Variants in UVRAG observed in about 807,000 individuals in gnomAD.
UVRAG encodes the protein UV radiation resistance-associated gene protein.
Under a neutral mutation model 78.0 loss-of-function variants are expected in UVRAG, and 19 were observed. The ratio of observed to expected loss-of-function variants is 0.24; its 90% CI spans 0.17 to 0.36. The LOEUF is 0.36. Ranked by LOEUF, UVRAG falls within the 10% of genes least tolerant of loss-of-function variation. UVRAG has a pLI of 1.00. For synonymous variants in UVRAG, 323 were observed against 324.6 expected, an observed-to-expected ratio of 1.00 and a Z score of 0.05; for missense variants, 740 against 853.8, an observed-to-expected ratio of 0.87 and a Z score of 1.66.
At chr11:75,906,770 A>G (rs1168090484) in intron 5 of UVRAG, among the ~76,000 whole-genome samples, 2 of 152,216 alleles carry the variant, frequency 1.3e-5, no homozygotes, top group Non-Finnish European at 2.9e-5. Context: ...GCACCATTTG[A>G]TGAAAAGACT....
intron 14 of UVRAG, among the ~76,000 whole-genome samples, chr11:76,132,649 C>T (rs188603591): frequency 5.4e-4 from 82 of 152,056 alleles, no homozygotes; most frequent in African/African-American, 2.0e-3. Flanking sequence ...TTCATTTTTC[C>T]TGTAAGTTTC....
At chr11:75,991,596 G>A (rs569717673) in intron 8 of UVRAG, among the ~76,000 whole-genome samples, 78 of 152,188 alleles carry the variant, frequency 5.1e-4, no homozygotes, top group Non-Finnish European at 1.0e-3. Flanking sequence ...AATTCATGTA[G>A]CTAATGAGAG....
intron 1 of UVRAG, among the ~76,000 whole-genome samples, chr11:75,834,067 G>A (rs1945722233): frequency 6.6e-6 from 1 of 152,080 alleles, no homozygotes; most frequent in Admixed American, 6.5e-5. Flanking sequence ...ATTTAACATC[G>A]ATACTTTAAT....
chr11:75,853,416 A>G (rs554378401), intron 2 of UVRAG, among the ~76,000 whole-genome samples: 81 of 147,170 alleles, frequency 5.5e-4, no homozygotes, highest in African/African-American at 1.8e-3. Context: ...CTGGAGTGCA[A>G]TGGCGTGATC....
chr11:75,868,250 A>G (rs1029823827), intron 3 of UVRAG, among the ~76,000 whole-genome samples: 4 of 152,240 alleles, frequency 2.6e-5, no homozygotes, highest in Non-Finnish European at 5.9e-5. Context: ...TTACGGGACA[A>G]GAAACAGGAA....
At chr11:75,963,161 G>A (rs1297002922) in intron 7 of UVRAG, among the ~76,000 whole-genome samples, 3 of 151,980 alleles carry the variant, frequency 2.0e-5, no homozygotes, top group African/African-American at 4.8e-5. Flanking sequence ...TACATATTTT[G>A]CATATTTTTC....
chr11:75,944,896 T>TA (rs758264668), intron 6 of UVRAG, among the ~76,000 whole-genome samples: 2 of 151,956 alleles, frequency 1.3e-5, no homozygotes, highest in African/African-American at 4.8e-5. Context: ...ACAGTCTGAG[T>TA]AAAAAAAGAT....
chr11:76,041,495 G>C (rs1242708036), intron 12 of UVRAG, among the ~76,000 whole-genome samples: 1 of 152,208 alleles, frequency 6.6e-6, no homozygotes, highest in African/African-American at 2.4e-5. Context: ...AGAGCTAGAT[G>C]CAGAATGGAA....
At chr11:76,026,931 A>G (rs1022404735) in intron 12 of UVRAG, among the ~76,000 whole-genome samples, 2 of 152,202 alleles carry the variant, frequency 1.3e-5, no homozygotes, top group African/African-American at 2.4e-5. Context: ...CCAATTCTCT[A>G]TAATTACCTA....
At position 76,140,792 on chromosome 11, in the gene UVRAG, TG is replaced by T. The variant is rs770887776; in HGVS notation, c.1485del (p.Ile496SerfsTer32). On this transcript the variant is annotated frameshift_variant, in exon 15 of 15. Transcript: ENST00000356136. LOFTEE classifies it high-confidence loss of function. ...IFGGADVGFS[G>X]GIPSPDKGHR... is the part of the protein sequence containing the mutation. ...TTGGGGGTGCAGATGTAGGCTTCTC[TG>T]GGGGGATCCCTTCACCAGACAAAGG... 1.2e-6 allele frequency: 2 copies of T among 1,614,106 alleles called. No homozygotes were observed. The highest frequency in any genetic ancestry group is 1.7e-6 in the Non-Finnish European group (2 of 1,180,008).
intron 11 of UVRAG, among the ~76,000 whole-genome samples, chr11:76,015,868 C>G (rs1241214972): frequency 6.6e-6 from 1 of 152,188 alleles, no homozygotes; most frequent in African/African-American, 2.4e-5. Flanking sequence ...CCCTTCTTCT[C>G]TAGCCAGATG....
chr11:75,909,244 G>A (rs1391916436), intron 5 of UVRAG, among the ~76,000 whole-genome samples: 1 of 152,140 alleles, frequency 6.6e-6, no homozygotes, highest in Non-Finnish European at 1.5e-5. Flanking sequence ...CTAATTGGGA[G>A]GCTGAGGTGG....
chr11:76,118,554 A>G (rs1952224929), intron 14 of UVRAG, among the ~76,000 whole-genome samples: 1 of 152,166 alleles, frequency 6.6e-6, no homozygotes, highest in Non-Finnish European at 1.5e-5. Context: ...TTCTGTTCTC[A>G]GGTTACTAAG....
chr11:75,857,483 CTTT>C (rs753910704), intron 2 of UVRAG, among the ~76,000 whole-genome samples: 10 of 151,034 alleles, frequency 6.6e-5, no homozygotes, highest in African/African-American at 2.5e-4. Context: ...GCAGATCTTT[CTTT>C]TTCCCCCCCC....
Position 75,815,478 on chromosome 11 carries a change from C to T in UVRAG, c.71C>T (p.Pro24Leu), listed in dbSNP as rs975233078. 9.2e-5 allele frequency: 115 copies of T among 1,244,832 alleles called. No homozygotes were observed. Among genetic ancestry groups the T allele is most frequent in the Non-Finnish European group, 1.1e-4 (105 of 994,238 alleles). 77.1% of individuals were successfully genotyped at this position (1,244,832 alleles called of 1,614,324 possible). A position where few individuals can be genotyped will look rare whatever the true frequency, so the allele number is the denominator to read the frequency against. The change falls in exon 1 of 15, where the codon CCC (proline) becomes CTC (leucine). Residue 24 changes from proline to leucine, a missense_variant. By Grantham distance (98) the Pro-to-Leu change is moderately conservative (BLOSUM62 -3). Transcript: ENST00000356136. Reference sequence around the variant, plus strand: ...CCGGGCCCGGCCGCTGCTCTGCCTCCCGGTTCTGCCGCGCGGGCCCTGCAT... The same window carrying T: ...CCGGGCCCGGCCGCTGCTCTGCCTCTCGGTTCTGCCGCGCGGGCCCTGCAT... ...PPPGPAAALP[P>L]GSAARALHVE...
intron 6 of UVRAG, among the ~76,000 whole-genome samples, chr11:75,921,750 T>C (rs990635285): frequency 1.3e-5 from 2 of 152,084 alleles, no homozygotes; most frequent in African/African-American, 4.8e-5. Context: ...ATAGTCCATA[T>C]CTTGTAAGGT....
At chr11:76,073,176 C>T (rs1306046888) in intron 13 of UVRAG, among the ~76,000 whole-genome samples, 1 of 152,110 alleles carries the variant, frequency 6.6e-6, no homozygotes. Flanking sequence ...TGAGTGCACA[C>T]CTTCTTAATA....
At chr11:76,123,283 T>G (rs1741606760) in intron 14 of UVRAG, among the ~76,000 whole-genome samples, 1 of 152,202 alleles carries the variant, frequency 6.6e-6, no homozygotes, top group South Asian at 2.1e-4. Flanking sequence ...TTCCTGGTTG[T>G]TTATTCTACC....
rs992730508 is a variant in UVRAG at position 76,143,091 on chromosome 11, T to A, written c.*1678T>A. On this transcript the variant is annotated 3_prime_UTR_variant, in exon 15 of 15. Transcript: ENST00000356136. ...GAGCAGGAGCTTCTCTGCAGTGTACTGTCTGTCGCTCATTTTGGAGTCAGT... is the reference window on the plus strand; with the variant it reads ...GAGCAGGAGCTTCTCTGCAGTGTACAGTCTGTCGCTCATTTTGGAGTCAGT... 1 of 152,270 alleles carries A rather than the reference T, an allele frequency of 6.6e-6. No homozygotes were observed. Among genetic ancestry groups the A allele is most frequent in the African/African-American group, 2.4e-5 (1 of 41,452 alleles). The allele number at this position is 152,270 out of a possible 1,614,324, so 9.4% of individuals were successfully genotyped here. A position where few individuals can be genotyped will look rare whatever the true frequency, so the allele number is the denominator to read the frequency against.
Sources: gnomAD v4.1 joint callset for allele counts (sites outside exome capture counted in the v4.1 genomes callset) on GRCh38, gnomAD v4.1.1 for gene constraint, MANE v1.5 for transcripts, NCBI Gene and HGNC (gene_info 2026-07-23, HGNC 2026-07-21) for gene names.